PRKAR1B: variants seen among roughly 807,000 people sequenced by gnomAD.
PRKAR1B encodes the protein protein kinase cAMP-dependent type I regulatory subunit beta.
PRKAR1B carries 22 observed loss-of-function variants against 46.5 expected under a neutral mutation model. The ratio of observed to expected loss-of-function variants is 0.47; its 90% confidence interval spans 0.34 to 0.68. PRKAR1B has a LOEUF of 0.68. Ranked by LOEUF, PRKAR1B falls within the 30% of genes least tolerant of loss-of-function variation. The pLI is 0.01. For synonymous variants in PRKAR1B, 259 were observed against 217.7 expected (o/e 1.19, Z -1.67); for missense variants, 445 against 535.6 (o/e 0.83, Z 1.67).
upstream of PRKAR1B, chr7:727,424 G>C: frequency 2.6e-6 from 1 of 386,152 alleles, no homozygotes; most frequent in Non-Finnish European, 3.5e-6. Context: ...CCCCCTCCAC[G>C]CCCGCACCCC....
chr7:597,527 G>A (rs970171440), intron 6 of PRKAR1B, among the ~76,000 whole-genome samples: 1 of 152,210 alleles, frequency 6.6e-6, no homozygotes, highest in Non-Finnish European at 1.5e-5. Flanking sequence ...TCCCCCCAGT[G>A]ATCCCCTCCA....
At chr7:676,201 T>C (rs928911550) in intron 4 of PRKAR1B, among the ~76,000 whole-genome samples, 8 of 152,058 alleles carry the variant, frequency 5.3e-5, no homozygotes, top group African/African-American at 1.7e-4. Context: ...ATGGAGACAT[T>C]TTTGCTTTCA....
intron 4 of PRKAR1B, among the ~76,000 whole-genome samples, chr7:660,724 G>T (rs1443933117): frequency 2.2e-5 from 2 of 91,850 alleles, no homozygotes; most frequent in African/African-American, 4.5e-5. Flanking sequence ...CCCCTCCATG[G>T]CACAGGTCCC....
At chr7:694,565 C>G (rs1431692049) in intron 2 of PRKAR1B, among the ~76,000 whole-genome samples, 2 of 152,138 alleles carry the variant, frequency 1.3e-5, no homozygotes, top group African/African-American at 4.8e-5. Context: ...TACTTTAAAG[C>G]CTGTTTCAAT....
Position 597,539 on chromosome 7 carries a change from G to A in PRKAR1B, c.550-1235C>T, listed in dbSNP as rs981817086. On this transcript the variant is annotated intron_variant, in intron 6 of 10. Coordinates refer to ENST00000537384, the MANE Select transcript of PRKAR1B (RefSeq NM_001164760.2). Reference sequence around the variant, plus strand: ...GCTTCCCCCCAGTGATCCCCTCCAGGAATCAGAAGACGGCCGTCCTTCCAC... The same window carrying A: ...GCTTCCCCCCAGTGATCCCCTCCAGAAATCAGAAGACGGCCGTCCTTCCAC... Among the ~76,000 whole-genome samples, 48 of 152,240 alleles carry A rather than the reference G, an allele frequency of 3.2e-4. 2 individuals carry two copies.
In PRKAR1B at chr7:584,613, T is replaced by C. The variant is rs146323355; in HGVS notation, c.709-45A>G. 624 of 1,510,486 alleles carry C rather than the reference T, an allele frequency of 4.1e-4. 2 individuals carry two copies. The African/African-American group carries it at 7.9e-3, about 19-fold the overall frequency. 93.6% of individuals were successfully genotyped at this position (1,510,486 alleles called of 1,614,324 possible). A position where few individuals can be genotyped will look rare whatever the true frequency, so the allele number is the denominator to read the frequency against. ...AAACAGACAAGAAGGTGAATCTTCA[T>C]ACCTGGATCATCCTGACGTTTCCAG... On this transcript the variant is annotated intron_variant, in intron 7 of 10. Coordinates refer to ENST00000537384, the MANE Select transcript of PRKAR1B (RefSeq NM_001164760.2).
intron 9 of PRKAR1B, among the ~76,000 whole-genome samples, chr7:572,150 AGGCCCT>A (rs1470713171): frequency 6.6e-6 from 1 of 152,126 alleles, no homozygotes; most frequent in Non-Finnish European, 1.5e-5. Flanking sequence ...CAGGACGCCC[AGGCCCT>A]GGGGCTCAGG....
At chr7:604,945 A>T (rs1781924193) in intron 6 of PRKAR1B, among the ~76,000 whole-genome samples, 1 of 152,178 alleles carries the variant, frequency 6.6e-6, no homozygotes, top group East Asian at 1.9e-4. Context: ...CGTCTCGGGT[A>T]GCAGAATCCC....
chr7:555,636 C>T (rs1050202408), intron 9 of PRKAR1B, among the ~76,000 whole-genome samples: 1 of 152,162 alleles, frequency 6.6e-6, no homozygotes, highest in Non-Finnish European at 1.5e-5. Context: ...GCACCCCAGA[C>T]CTTCACATGC....
chr7:667,679 G>A lies in PRKAR1B; in HGVS notation c.440+9550C>T, dbSNP rs1446057559. Among the ~76,000 whole-genome samples the A allele has an allele frequency of 6.6e-6, 1 of 152,216 alleles. No individual in the cohort carries two copies. The highest frequency in any genetic ancestry group is 2.4e-5 in the African/African-American group (1 of 41,450). On this transcript the variant is annotated intron_variant, in intron 4 of 10. Coordinates refer to ENST00000537384, the MANE Select transcript of PRKAR1B (RefSeq NM_001164760.2). This position sits in a 1 kb window ranked among gnomAD's most constrained non-coding sequence, Gnocchi z 4.3. The stretch of plus-strand genomic sequence containing the variant: ...GTGCAGGTGATGTGTCCTTACAGGG[G>A]AGGGAGCACAGGCTTAGGTGCCCAA...
chr7:695,764 T>C (rs969383979), intron 2 of PRKAR1B, among the ~76,000 whole-genome samples: 9 of 150,374 alleles, frequency 6.0e-5, no homozygotes, highest in South Asian at 2.1e-4. Context: ...CCCGGGTTCA[T>C]GCCATTCTCC....
At chr7:557,059 G>A (rs1387082441) in intron 9 of PRKAR1B, among the ~76,000 whole-genome samples, 1 of 152,204 alleles carries the variant, frequency 6.6e-6, no homozygotes. Flanking sequence ...CCCCGGCCTG[G>A]GCCGGGCAGC....
intron 4 of PRKAR1B, among the ~76,000 whole-genome samples, chr7:676,494 G>A (rs919708218): frequency 3.9e-5 from 6 of 152,208 alleles, no homozygotes; most frequent in African/African-American, 7.2e-5. Context: ...GGAAGAGGCC[G>A]GAACACGAAG....
chr7:569,030 G>A (rs1779341592), intron 9 of PRKAR1B, among the ~76,000 whole-genome samples: 1 of 151,246 alleles, frequency 6.6e-6, no homozygotes, highest in South Asian at 2.1e-4. Flanking sequence ...TTTGGTGGGG[G>A]AGAGGGTGTT....
chr7:615,527 AAG>A (rs963127650), intron 4 of PRKAR1B, among the ~76,000 whole-genome samples: 1 of 151,554 alleles, frequency 6.6e-6, no homozygotes, highest in Non-Finnish European at 1.5e-5. Flanking sequence ...AAAGGAAAGA[AAG>A]AGAGAGAGAA....
At chr7:631,007 C>G (rs1783704791) in intron 4 of PRKAR1B, among the ~76,000 whole-genome samples, 1 of 150,074 alleles carries the variant, frequency 6.7e-6, no homozygotes, top group South Asian at 2.1e-4. Flanking sequence ...GGCTGGAGTG[C>G]AGTGGCACAA....
At chr7:679,348 C>A (rs1374567088) in intron 3 of PRKAR1B, among the ~76,000 whole-genome samples, 1 of 152,208 alleles carries the variant, frequency 6.6e-6, no homozygotes, top group Non-Finnish European at 1.5e-5. Flanking sequence ...CGGTCTGCAA[C>A]AGTTCTTCAC....
In PRKAR1B at chr7:596,059, A is replaced by G. The variant is rs1781251792; in HGVS notation, c.708+87T>C. 5.3e-6 allele frequency: 8 copies of G among 1,503,040 alleles called. No individual in the cohort carries two copies. The African/African-American group carries it at 6.9e-5, about 13-fold the overall frequency. 93.1% of individuals were successfully genotyped at this position (1,503,040 alleles called of 1,614,324 possible). The stretch of plus-strand genomic sequence containing the variant: ...TTGGAAGTGTCTTTTCTCCAGGTGC[A>G]TCCCCACCTTGAATAGAGCTAGGGT... On this transcript the variant is annotated intron_variant, in intron 7 of 10. Transcript: ENST00000537384.
chr7:606,267 T>C (rs1034701728), intron 5 of PRKAR1B, 28 bp from the exon 6 acceptor site: 9 of 1,606,756 alleles, frequency 5.6e-6, no homozygotes, highest in East Asian at 2.2e-5. Flanking sequence ...AGTCAACAGA[T>C]ACAAAGTACA....
Sources: gnomAD v4.1 joint callset for allele counts (sites outside exome capture counted in the v4.1 genomes callset) on GRCh38, gnomAD v4.1.1 for gene constraint, Gnocchi (gnomAD v3.1) non-coding constraint, MANE v1.5 for transcripts, NCBI Gene and HGNC (gene_info 2026-07-23, HGNC 2026-07-21) for gene names.